Variants in JAG1 observed in about 807,000 individuals in gnomAD.
JAG1 encodes protein jagged-1.
A neutral mutation model predicts 148.7 loss-of-function variants in JAG1; 23 were observed. The ratio of observed to expected loss-of-function variants is 0.15; its 90% CI spans 0.11 to 0.22. JAG1 has a LOEUF of 0.22. Among genes scored for constraint, JAG1 ranks in the 10% least tolerant of loss-of-function variants. JAG1 has a pLI of 1.00. For missense variants in JAG1, 1,054 were observed against 1,611.2 expected (o/e 0.65, Z 5.92); for synonymous variants, 572 against 598.3 (o/e 0.96, Z 0.64).
At chr20:10,671,536 C>T (rs891511315) in intron 2 of JAG1, among the ~76,000 whole-genome samples, 1 of 152,124 alleles carries the variant, frequency 6.6e-6, no homozygotes, top group East Asian at 1.9e-4. Flanking sequence ...AGAATCACAA[C>T]CTAAGCCGGC....
chr20:10,657,350 TAAA>T (rs34844219), intron 4 of JAG1, among the ~76,000 whole-genome samples: 2 of 141,210 alleles, frequency 1.4e-5, no homozygotes, highest in Non-Finnish European at 3.1e-5. Context: ...CACCTTATCT[TAAA>T]AAAAAAAAAA....
chr20:10,673,331 A>G lies in JAG1; in HGVS notation c.81+119T>C, dbSNP rs2122645586. Reference sequence around the variant, plus strand: ...AGCCCAGGTGCAGCCGCTCGGGCGCAGGGGCGAGGAGTCGGGCGCTCGAGG... The same window carrying G: ...AGCCCAGGTGCAGCCGCTCGGGCGCGGGGGCGAGGAGTCGGGCGCTCGAGG... On this transcript the variant is annotated intron_variant, in intron 1 of 25. Coordinates refer to ENST00000254958, the MANE Select transcript of JAG1 (RefSeq NM_000214.3). This position sits in a 1 kb window ranked among gnomAD's most constrained non-coding sequence, Gnocchi z 4.7. 3.8e-6 allele frequency: 3 copies of G among 780,728 alleles called. No homozygotes were observed. The highest frequency in any genetic ancestry group is 6.0e-6 in the Non-Finnish European group (3 of 497,326). 48.4% of individuals were successfully genotyped at this position (780,728 alleles called of 1,614,324 possible). A position where few individuals can be genotyped will look rare whatever the true frequency, so the allele number is the denominator to read the frequency against.
Position 10,658,473 on chromosome 20 carries a change from T to C in JAG1, c.689A>G (p.Asn230Ser), listed in dbSNP as rs775523141. 1 of 1,613,974 alleles carries C rather than the reference T, an allele frequency of 6.2e-7. No individual in the cohort carries two copies. The highest frequency in any genetic ancestry group is 1.1e-5 in the South Asian group (1 of 91,086). Reference sequence around the variant, plus strand: ...ATGCACACACACACACATACCTCTGTTACATTCGGGGCCCATCCAGCCTTC... The same window carrying C: ...ATGCACACACACACACATACCTCTGCTACATTCGGGGCCCATCCAGCCTTC... ...CMEGWMGPEC[N>S]RAICRQGCSP... is the part of the protein sequence containing the mutation. The change falls in exon 4 of 26, where the codon AAC becomes AGC. Residue 230 changes from asparagine (N) to serine (S), a missense_variant. Asn to Ser is a conservative substitution (Grantham distance 46, BLOSUM62 1). This residue lies in a region of JAG1 where 104 missense variants were observed against 235.2 expected (regional missense o/e 0.44). Coordinates refer to ENST00000254958, the MANE Select transcript of JAG1 (RefSeq NM_000214.3).
rs1427080762 is a variant in JAG1 at position 10,649,044 on chromosome 20, A to G, written c.1395+17T>C. On this transcript the variant is annotated intron_variant, in intron 11 of 25. Transcript: ENST00000254958. ...TGTCAATTGTCAAAGTTTTGATTTA[A>G]GCAAAGATTTACATACCCGACAGGA... 1 of 1,596,616 alleles carries G rather than the reference A, an allele frequency of 6.3e-7. No individual in the cohort carries two copies. Among genetic ancestry groups the G allele is most frequent in the Non-Finnish European group, 8.6e-7 (1 of 1,164,018 alleles).
rs983132474 is a variant in JAG1 at position 10,639,362 on chromosome 20, G to A, written c.*136C>T. 3.3e-4 allele frequency: 286 copies of A among 856,384 alleles called. 1 individual carries two copies. The highest frequency in any genetic ancestry group is 2.0e-4 in the Non-Finnish European group (100 of 497,730). The allele number at this position is 856,384 out of a possible 1,614,324, so 53.0% of individuals were successfully genotyped here. On this transcript the variant is annotated 3_prime_UTR_variant, in exon 26 of 26. Transcript: ENST00000254958. Reference sequence around the variant, plus strand: ...AACCACAGAAACTACCATTGCCAGTGTAAGCCAGCTTGTCAAAACTTAAAT... The same window carrying A: ...AACCACAGAAACTACCATTGCCAGTATAAGCCAGCTTGTCAAAACTTAAAT...
chr20:10,640,000 A>T, intron 25 of JAG1, 45 bp from the exon 26 acceptor site: 1 of 1,467,604 alleles, frequency 6.8e-7, no homozygotes, highest in Non-Finnish European at 9.5e-7. Flanking sequence ...AGAAAGAAAG[A>T]AAAAAGCATC....
chr20:10,640,679 A>G (rs1440733706), intron 25 of JAG1, 104 bp downstream of exon 25: 2 of 1,232,700 alleles, frequency 1.6e-6, no homozygotes, highest in African/African-American at 1.5e-5. Context: ...AGCTCCTGCG[A>G]GGGTAGGGCA....
In JAG1 at chr20:10,656,480, G is replaced by A. The variant is rs375044316; in HGVS notation, c.695-22C>T. 13 of 1,608,786 alleles carry A rather than the reference G, an allele frequency of 8.1e-6. No homozygotes were observed. In the South Asian group the frequency reaches 8.8e-5, roughly 11 times the overall value. On this transcript the variant is annotated intron_variant, in intron 4 of 25. Coordinates refer to ENST00000254958, the MANE Select transcript of JAG1 (RefSeq NM_000214.3). ...ATAGCTGTAAAAAACAGAGAAGGGCGTGTCAGCACACTGCCTGTTCCTTGC... is the reference window on the plus strand; with the variant it reads ...ATAGCTGTAAAAAACAGAGAAGGGCATGTCAGCACACTGCCTGTTCCTTGC...
chr20:10,658,214 G>A (rs1035956358), intron 4 of JAG1, among the ~76,000 whole-genome samples: 3 of 152,186 alleles, frequency 2.0e-5, no homozygotes, highest in Admixed American at 2.0e-4. Context: ...CCAAGGACGA[G>A]TCTCCTGAGA....
intron 2 of JAG1, among the ~76,000 whole-genome samples, chr20:10,668,121 A>C (rs2067469567): frequency 6.8e-6 from 1 of 147,822 alleles, no homozygotes; most frequent in African/African-American, 2.5e-5. Context: ...AAAAAACAGC[A>C]GTCACAGGGC....
chr20:10,664,373 A>C (rs867387673), intron 2 of JAG1, among the ~76,000 whole-genome samples: 1 of 144,594 alleles, frequency 6.9e-6, no homozygotes, highest in Admixed American at 7.0e-5. Flanking sequence ...TGCATGAGGA[A>C]ACACACACAC....
rs530374919 is a variant in JAG1 at position 10,654,842 on chromosome 20, C to G, written c.755+1556G>C. On this transcript the variant is annotated intron_variant, in intron 5 of 25. Transcript: ENST00000254958. ...TGTTGTTCTGGCTGGGAGGGCCCTC[C>G]CCTGTATAGCTGTATGTGTGTTCTG... is the stretch of plus-strand genomic sequence containing the variant. Among the ~76,000 whole-genome samples the G allele has an allele frequency of 2.0e-5, 3 of 152,256 alleles. No homozygotes were observed. In the East Asian group the frequency reaches 5.8e-4, roughly 29 times the overall value.
Position 10,641,841 on chromosome 20 carries a change from T to A in JAG1, c.2624A>T (p.Lys875Ile). The change falls in exon 22 of 26, where the codon AAA becomes ATA. Residue 875 changes from lysine (K) to isoleucine (I), a missense_variant. By Grantham distance (102) the Lys-to-Ile change is moderately radical (BLOSUM62 -3). Coordinates refer to ENST00000254958, the MANE Select transcript of JAG1 (RefSeq NM_000214.3). ...TMGSVIPDGA[K>I]WDDDCNTCQC... is the part of the protein sequence containing the mutation. The stretch of plus-strand genomic sequence containing the variant: ...GCAGGTATTACAGTCATCATCCCAT[T>A]TGGCCCCATCTGGTATCACACTCCC... 6.2e-7 allele frequency: 1 copy of A among 1,614,138 alleles called. No homozygotes were observed. The highest frequency in any genetic ancestry group is 8.5e-7 in the Non-Finnish European group (1 of 1,179,966).
Position 10,639,413 on chromosome 20 carries a change from C to T in JAG1, c.*85G>A, listed in dbSNP as rs181408895. On this transcript the variant is annotated 3_prime_UTR_variant, in exon 26 of 26. Coordinates refer to ENST00000254958, the MANE Select transcript of JAG1 (RefSeq NM_000214.3). ...TAACACAGGGATTCTAAGTCAGCAA[C>T]GGCCTCAGACTCGAGTATGACACGA... 2.8e-5 allele frequency: 34 copies of T among 1,205,304 alleles called. No homozygotes were observed. In the East Asian group the frequency reaches 3.0e-4, roughly 11 times the overall value. 74.7% of individuals were successfully genotyped at this position (1,205,304 alleles called of 1,614,324 possible). A position where few individuals can be genotyped will look rare whatever the true frequency, so the allele number is the denominator to read the frequency against.
intron 2 of JAG1, among the ~76,000 whole-genome samples, chr20:10,666,665 G>GGGTA (rs1341204893): frequency 5.3e-5 from 8 of 152,146 alleles, no homozygotes; most frequent in African/African-American, 1.9e-4. Flanking sequence ...CAGGAAGGAG[G>GGGTA]GGTAGCAAAC....
chr20:10,640,841 C>A lies in JAG1; in HGVS notation c.3141G>T (p.Ser1047=). ...DLVSKRDGNS[S]LIAAVAEVRV... is the part of the protein sequence containing the mutation. ...TTACTTCTGCAACGGCAGCAATCAG[C>A]GAGCTGTTTCCATCACGTTTACTAA... The change falls in exon 25 of 26, where the codon TCG becomes TCT. Residue 1047 remains serine, a synonymous_variant. Transcript: ENST00000254958. 3 of 1,614,186 alleles carry A rather than the reference C, an allele frequency of 1.9e-6. No homozygotes were observed. Among genetic ancestry groups the A allele is most frequent in the Non-Finnish European group, 2.5e-6 (3 of 1,180,028 alleles).
intron 4 of JAG1, among the ~76,000 whole-genome samples, chr20:10,658,254 C>T (rs577571040): frequency 6.6e-6 from 1 of 152,268 alleles, no homozygotes; most frequent in African/African-American, 2.4e-5. Context: ...TGGCAGCCAA[C>T]ACAGCACCTG....
intron 2 of JAG1, among the ~76,000 whole-genome samples, chr20:10,669,459 C>T (rs1357234611): frequency 1.4e-5 from 2 of 142,750 alleles, no homozygotes; most frequent in African/African-American, 2.6e-5. Flanking sequence ...TGATTAGCAT[C>T]GTGGCAATTG....
At chr20:10,646,626 A>AAGAGATAGCATCAACC (rs2067310806) in intron 14 of JAG1, among the ~76,000 whole-genome samples, 1 of 152,042 alleles carries the variant, frequency 6.6e-6, no homozygotes, top group Admixed American at 6.6e-5. Context: ...CAGCCTGACC[A>AAGAGATAGCATCAACC]ACATGGGGAA....
Sources: gnomAD v4.1 joint callset for allele counts (sites outside exome capture counted in the v4.1 genomes callset) on GRCh38, gnomAD v4.1.1 for gene constraint, gnomAD v4.1.1 regional missense constraint, Gnocchi (gnomAD v3.1) non-coding constraint, MANE v1.5 for transcripts, NCBI Gene and HGNC (gene_info 2026-07-23, HGNC 2026-07-21) for gene names.